The following ELP4 variants were observed in gnomAD, a reference collection of about 807,000 sequenced individuals.
ELP4 encodes elongator complex protein 4.
In ELP4, 51 loss-of-function variants were observed where a neutral mutation model predicts 48.9. The observed-to-expected ratio is 1.04, with a 90% CI of 0.83 to 1.32. ELP4 has a LOEUF of 1.32. Ranked by LOEUF, ELP4 falls within the 40% of genes most tolerant of loss-of-function variation. ELP4 has a pLI of 0.00. For missense variants in ELP4, 519 were observed against 514.6 expected, an observed-to-expected ratio of 1.01 and a Z score of -0.08; for synonymous variants, 210 against 189.2, an observed-to-expected ratio of 1.11 and a Z score of -0.90.
At chr11:31,690,995 T>G (rs1946268015) in intron 9 of ELP4, among the ~76,000 whole-genome samples, 1 of 152,076 alleles carries the variant, frequency 6.6e-6, no homozygotes, top group African/African-American at 2.4e-5. Flanking sequence ...GCTTTTGGCA[T>G]TTAATATAGC....
chr11:31,677,625 G>A (rs1945956067), intron 9 of ELP4, among the ~76,000 whole-genome samples: 1 of 151,986 alleles, frequency 6.6e-6, no homozygotes, highest in African/African-American at 2.4e-5. Context: ...TAGGTCTTTA[G>A]GTTATGCCAA....
intron 4 of ELP4, among the ~76,000 whole-genome samples, chr11:31,597,953 T>TC (rs386373497): frequency 4.2e-5 from 1 of 24,060 alleles, no homozygotes; most frequent in Non-Finnish European, 2.0e-4. Context: ...GCCTTTTCTC[T>TC]TTTTTTTTTT....
At chr11:31,524,984 A>T (rs1019714288) in intron 2 of ELP4, among the ~76,000 whole-genome samples, 4 of 152,170 alleles carry the variant, frequency 2.6e-5, no homozygotes, top group African/African-American at 9.7e-5. Context: ...TCTCAAAAAG[A>T]AATTAAAAAT....
At chr11:31,675,064 T>C (rs1447338058) in intron 9 of ELP4, among the ~76,000 whole-genome samples, 1 of 152,180 alleles carries the variant, frequency 6.6e-6, no homozygotes, top group Non-Finnish European at 1.5e-5. Context: ...TTTTCTATTT[T>C]ATTGCTAATA....
At chr11:31,741,290 G>C (rs1211522686) in intron 9 of ELP4, among the ~76,000 whole-genome samples, 1 of 152,210 alleles carries the variant, frequency 6.6e-6, no homozygotes, top group Non-Finnish European at 1.5e-5. Flanking sequence ...AAGGAGGCCT[G>C]CCTGCCTCTG....
chr11:31,701,078 A>C (rs1946512711), intron 9 of ELP4, among the ~76,000 whole-genome samples: 1 of 152,094 alleles, frequency 6.6e-6, no homozygotes, highest in Admixed American at 6.6e-5. Context: ...ATAGTGGCTA[A>C]TGTGTTTTTA....
At chr11:31,636,588 G>C (rs1054475593) in intron 7 of ELP4, among the ~76,000 whole-genome samples, 20 of 151,954 alleles carry the variant, frequency 1.3e-4, no homozygotes, top group Middle Eastern at 6.8e-3. Context: ...TGCAAAGAGA[G>C]GGAAAAGTTA....
chr11:31,587,656 A>G (rs1957499980), intron 3 of ELP4, among the ~76,000 whole-genome samples: 1 of 151,946 alleles, frequency 6.6e-6, no homozygotes, highest in Non-Finnish European at 1.5e-5. Context: ...TGTTAATATT[A>G]ATTATTGATA....
chr11:31,554,949 A>G (rs999286076), intron 3 of ELP4, among the ~76,000 whole-genome samples: 17 of 152,288 alleles, frequency 1.1e-4, no homozygotes, highest in African/African-American at 4.1e-4. Context: ...TTAACCGTAA[A>G]GTTGAATGTG....
intron 2 of ELP4, among the ~76,000 whole-genome samples, chr11:31,539,294 G>C (rs2996469): frequency 0.39 from 59,081 of 151,986 alleles, 15,049 homozygotes; most frequent in African/African-American, 0.72. Flanking sequence ...GAAACCCTGT[G>C]TCTACTAAAA....
intron 9 of ELP4, among the ~76,000 whole-genome samples, chr11:31,695,508 C>A (rs1403238357): frequency 2.6e-5 from 4 of 151,668 alleles, no homozygotes; most frequent in Non-Finnish European, 4.4e-5. Flanking sequence ...GGGATGAAGA[C>A]AACTTGATCG....
chr11:31,616,882 A>G (rs1944497408), intron 5 of ELP4, among the ~76,000 whole-genome samples: 1 of 152,128 alleles, frequency 6.6e-6, no homozygotes, highest in South Asian at 2.1e-4. Flanking sequence ...CACATCTGTT[A>G]GGATAAAAAT....
intron 9 of ELP4, among the ~76,000 whole-genome samples, chr11:31,780,978 A>G (rs946628088): frequency 1.3e-5 from 2 of 152,076 alleles, no homozygotes; most frequent in Non-Finnish European, 2.9e-5. Flanking sequence ...AAGCTTTTTC[A>G]TGTTTTCCTT....
chr11:31,626,889 C>G (rs1944756343), intron 5 of ELP4, among the ~76,000 whole-genome samples: 1 of 151,814 alleles, frequency 6.6e-6, no homozygotes, highest in Admixed American at 6.6e-5. Context: ...TTTTATCTTC[C>G]TATGATGTCA....
intron 5 of ELP4, among the ~76,000 whole-genome samples, chr11:31,605,480 G>T (rs1295924005): frequency 6.6e-6 from 1 of 151,988 alleles, no homozygotes; most frequent in Non-Finnish European, 1.5e-5. Flanking sequence ...TGGAACCCAG[G>T]TTCAAAGTAA....
At chr11:31,721,567 G>C (rs1565126505) in intron 9 of ELP4, among the ~76,000 whole-genome samples, 1 of 151,558 alleles carries the variant, frequency 6.6e-6, no homozygotes, top group Non-Finnish European at 1.5e-5. Context: ...CTTCCTGACT[G>C]CTCAGCTGGA....
intron 5 of ELP4, among the ~76,000 whole-genome samples, chr11:31,608,538 G>T (rs1957918338): frequency 6.6e-6 from 1 of 151,584 alleles, no homozygotes; most frequent in Non-Finnish European, 1.5e-5. Flanking sequence ...CTATGGAAGG[G>T]GTGGTGGTGT....
At chr11:31,539,626 C>T in intron 2 of ELP4, 36 bp from the exon 3 acceptor site, 2 of 1,565,608 alleles carry the variant, frequency 1.3e-6, no homozygotes, top group Non-Finnish European at 1.7e-6. Context: ...TCTTTTCTTG[C>T]TATATGTTTC....
At chr11:31,722,587 C>G (rs545450202) in intron 9 of ELP4, among the ~76,000 whole-genome samples, 1 of 152,022 alleles carries the variant, frequency 6.6e-6, no homozygotes, top group East Asian at 1.9e-4. Flanking sequence ...AATGTGGGTC[C>G]TGTGGTTCAA....
Sources: allele counts gnomAD v4.1 joint callset (sites outside exome capture counted in the v4.1 genomes callset), GRCh38; gene constraint gnomAD v4.1.1; transcripts MANE v1.5; gene names NCBI Gene and HGNC (gene_info 2026-07-23, HGNC 2026-07-21).